NRXN1: variants seen among roughly 807,000 people sequenced by gnomAD.
NRXN1 encodes the protein neurexin-1.
NRXN1 carries 39 observed loss-of-function variants against 150.9 expected under a neutral mutation model. That is an observed-to-expected ratio of 0.26 (90% CI 0.20 to 0.34). The LOEUF is 0.34. Among genes scored for constraint, NRXN1 ranks in the 10% least tolerant of loss-of-function variants. The pLI is 1.00. For synonymous variants in NRXN1, 924 were observed against 757.0 expected, an observed-to-expected ratio of 1.22 and a Z score of -3.62; for missense variants, 1,815 against 1,949.9, an observed-to-expected ratio of 0.93 and a Z score of 1.30.
At chr2:50,927,678 T>C (rs1687110340) in intron 2 of NRXN1, among the ~76,000 whole-genome samples, 2 of 152,070 alleles carry the variant, frequency 1.3e-5, no homozygotes, top group South Asian at 4.1e-4. Flanking sequence ...TTGTATCTTC[T>C]GTTTAAGATG....
intron 17 of NRXN1, among the ~76,000 whole-genome samples, chr2:50,309,405 T>C (rs983323671): frequency 6.6e-6 from 1 of 152,190 alleles, no homozygotes; most frequent in African/African-American, 2.4e-5. Context: ...CTCCTTTATT[T>C]GGGATATGAG....
At chr2:50,063,555 C>CACACAG (rs1694900844) in intron 19 of NRXN1, among the ~76,000 whole-genome samples, 1 of 147,286 alleles carries the variant, frequency 6.8e-6, no homozygotes, top group African/African-American at 2.7e-5. Flanking sequence ...CAGACACACA[C>CACACAG]ACACACACAC....
chr2:50,173,402 G>C (rs976842853), intron 18 of NRXN1, among the ~76,000 whole-genome samples: 1 of 152,156 alleles, frequency 6.6e-6, no homozygotes, highest in South Asian at 2.1e-4. Flanking sequence ...GCTTTTCAGT[G>C]AATCATCAGA....
chr2:50,750,066 C>T (rs1409834276), intron 5 of NRXN1, among the ~76,000 whole-genome samples: 1 of 151,968 alleles, frequency 6.6e-6, no homozygotes, highest in Non-Finnish European at 1.5e-5. Context: ...GTAAGATATG[C>T]ATAGACATTG....
chr2:50,627,224 T>C (rs1681272075), intron 5 of NRXN1, among the ~76,000 whole-genome samples: 2 of 151,822 alleles, frequency 1.3e-5, no homozygotes, highest in African/African-American at 4.8e-5. Flanking sequence ...ACAAAGAACT[T>C]GGGTCTCAGT....
chr2:50,891,714 C>T (rs1681091567), intron 5 of NRXN1, among the ~76,000 whole-genome samples: 2 of 152,072 alleles, frequency 1.3e-5, no homozygotes, highest in Non-Finnish European at 2.9e-5. Flanking sequence ...TACTTTTCCT[C>T]AGATGATGAT....
intron 5 of NRXN1, among the ~76,000 whole-genome samples, chr2:50,888,285 A>AT (rs1251776140): frequency 6.6e-6 from 1 of 151,708 alleles, no homozygotes; most frequent in Non-Finnish European, 1.5e-5. Context: ...AGATCAAACA[A>AT]TTATACAAAT....
intron 18 of NRXN1, among the ~76,000 whole-genome samples, chr2:50,141,559 T>C (rs1162324842): frequency 6.6e-6 from 1 of 152,000 alleles, no homozygotes; most frequent in East Asian, 1.9e-4. Flanking sequence ...AAACTATTCA[T>C]CCAAGGGACT....
intron 8 of NRXN1, among the ~76,000 whole-genome samples, chr2:50,557,182 G>C (rs2105369282): frequency 6.6e-6 from 1 of 152,260 alleles, no homozygotes; most frequent in Non-Finnish European, 1.5e-5. Flanking sequence ...TCTTTCAACA[G>C]AGCGGGAGTA....
intron 18 of NRXN1, among the ~76,000 whole-genome samples, chr2:50,226,103 C>G (rs774757330): frequency 6.6e-6 from 1 of 151,956 alleles, no homozygotes; most frequent in Non-Finnish European, 1.5e-5. Flanking sequence ...AGGAGTCAGA[C>G]TGACTGAGTT....
chr2:50,556,897 T>G (rs560452531), intron 8 of NRXN1, among the ~76,000 whole-genome samples: 1 of 152,290 alleles, frequency 6.6e-6, no homozygotes, highest in South Asian at 2.1e-4. Flanking sequence ...AGGCGTGCCA[T>G]AACTATAAAT....
At chr2:50,674,623 G>A (rs565637297) in intron 5 of NRXN1, among the ~76,000 whole-genome samples, 34 of 152,142 alleles carry the variant, frequency 2.2e-4, no homozygotes, top group African/African-American at 7.0e-4. Flanking sequence ...TAGAGAAGAC[G>A]GGTGACACCT....
chr2:50,800,008 A>C (rs374754758), intron 5 of NRXN1, among the ~76,000 whole-genome samples: 1 of 152,188 alleles, frequency 6.6e-6, no homozygotes, highest in South Asian at 2.1e-4. Flanking sequence ...AATTTGTGGA[A>C]ATAAATGAGA....
At chr2:50,005,454 CAAT>C (rs1684605645) in intron 21 of NRXN1, among the ~76,000 whole-genome samples, 1 of 152,052 alleles carries the variant, frequency 6.6e-6, no homozygotes, top group Non-Finnish European at 1.5e-5. Flanking sequence ...TCCTACAGGC[CAAT>C]AATAGCATTA....
intron 2 of NRXN1, among the ~76,000 whole-genome samples, chr2:50,943,104 C>T (rs1689743422): frequency 6.6e-6 from 1 of 152,066 alleles, no homozygotes; most frequent in African/African-American, 2.4e-5. Context: ...TGCTCTCTCT[C>T]TCTCTCTTCT....
At chr2:50,674,871 T>C (rs1417916869) in intron 5 of NRXN1, among the ~76,000 whole-genome samples, 1 of 152,032 alleles carries the variant, frequency 6.6e-6, no homozygotes, top group Non-Finnish European at 1.5e-5. Context: ...TAAATGAAAA[T>C]AGCCCAGTGA....
chr2:50,661,846 C>T (rs917517076), intron 5 of NRXN1, among the ~76,000 whole-genome samples: 5 of 152,126 alleles, frequency 3.3e-5, no homozygotes, highest in East Asian at 1.9e-4. Context: ...CTGTGGTAGC[C>T]GTCTCTCCCC....
chr2:49,980,503 T>C (rs1679819962), intron 21 of NRXN1, among the ~76,000 whole-genome samples: 1 of 152,162 alleles, frequency 6.6e-6, no homozygotes, highest in South Asian at 2.1e-4. Context: ...GAGCAGAGAA[T>C]AGCTTCACAG....
At chr2:50,276,363 A>G (rs764828845) in intron 17 of NRXN1, among the ~76,000 whole-genome samples, 3 of 152,210 alleles carry the variant, frequency 2.0e-5, no homozygotes, top group East Asian at 3.8e-4. Context: ...GTATGTTTAT[A>G]TAACGGGAAG....
Sources: allele counts gnomAD v4.1 joint callset (sites outside exome capture counted in the v4.1 genomes callset), GRCh38; gene constraint gnomAD v4.1.1; transcripts MANE v1.5; gene names NCBI Gene and HGNC (gene_info 2026-07-23, HGNC 2026-07-21).